Variants in USH2A observed in about 807,000 individuals in gnomAD.
USH2A encodes the protein Usher syndrome 2A (autosomal recessive, mild).
In USH2A, 443 loss-of-function variants were observed where a neutral mutation model predicts 538.9. The observed-to-expected ratio is 0.82, with a 90% CI of 0.76 to 0.89. The LOEUF is 0.89. USH2A is among the 40% of genes least tolerant of loss of function. The pLI is 0.00. For synonymous variants in USH2A, 2,413 were observed against 2,273.5 expected (o/e 1.06, Z -1.75); for missense variants, 6,633 against 6,324.8 (o/e 1.05, Z -1.65).
intron 32 of USH2A, among the ~76,000 whole-genome samples, chr1:216,020,984 G>C (rs779281867): frequency 9.9e-5 from 15 of 152,044 alleles, no homozygotes; most frequent in Admixed American, 2.6e-4. Context: ...TGGCTAAAGT[G>C]GGGACTCAAT....
At chr1:216,318,116 A>G (rs2037542098) in intron 9 of USH2A, among the ~76,000 whole-genome samples, 2 of 152,190 alleles carry the variant, frequency 1.3e-5, no homozygotes, top group Admixed American at 6.6e-5. Flanking sequence ...ACTTTCTCAT[A>G]GGAAAGACAA....
chr1:215,885,147 T>G (rs1310134571), intron 41 of USH2A, among the ~76,000 whole-genome samples: 1 of 152,160 alleles, frequency 6.6e-6, no homozygotes, highest in African/African-American at 2.4e-5. Flanking sequence ...TTAAGTACCT[T>G]CTTCCTAATC....
chr1:216,251,126 T>G (rs2036153684), intron 11 of USH2A, 28 bp from the exon 12 acceptor site: 1 of 1,610,742 alleles, frequency 6.2e-7, no homozygotes, highest in Admixed American at 1.7e-5. Flanking sequence ...TTTTGTAGAA[T>G]GATGAACGTA....
chr1:215,756,731 C>A (rs1660806369), intron 58 of USH2A, among the ~76,000 whole-genome samples: 1 of 152,016 alleles, frequency 6.6e-6, no homozygotes. Context: ...CGAGACGAGC[C>A]TGGCCAGCAT....
intron 50 of USH2A, among the ~76,000 whole-genome samples, chr1:215,796,629 C>G (rs934770747): frequency 1.3e-5 from 2 of 152,168 alleles, no homozygotes; most frequent in African/African-American, 4.8e-5. Context: ...CTCTGAGGCA[C>G]AGCAATATTA....
At chr1:216,410,315 C>T (rs966035959) in intron 3 of USH2A, among the ~76,000 whole-genome samples, 6 of 151,976 alleles carry the variant, frequency 3.9e-5, no homozygotes, top group Non-Finnish European at 8.8e-5. Context: ...CCAAAAAAAA[C>T]AGAACTACCA....
intron 37 of USH2A, among the ~76,000 whole-genome samples, chr1:215,963,347 T>C (rs1027141174): frequency 1.3e-5 from 2 of 152,198 alleles, no homozygotes; most frequent in African/African-American, 4.8e-5. Context: ...AGAGTTCCAG[T>C]GCCAGTGAAC....
In USH2A at chr1:215,623,189, T is replaced by C. The variant is rs192530208; in HGVS notation, c.*2592A>G. The C allele has an allele frequency of 5.5e-4, 83 of 152,110 alleles. No individual in the cohort carries two copies. Among genetic ancestry groups the C allele is most frequent in the Admixed American group, 4.6e-3 (71 of 15,276 alleles). 9.4% of individuals were successfully genotyped at this position (152,110 alleles called of 1,614,324 possible). On this transcript the variant is annotated 3_prime_UTR_variant, in exon 72 of 72. Coordinates refer to ENST00000307340, the MANE Select transcript of USH2A (RefSeq NM_206933.4). ...CTGTACTCTTACCAAACAGTTGATA[T>C]TAAGAATAACAAAACATGGTAGTTC...
intron 9 of USH2A, among the ~76,000 whole-genome samples, chr1:216,313,150 G>A (rs1173629711): frequency 6.6e-6 from 1 of 152,104 alleles, no homozygotes; most frequent in African/African-American, 2.4e-5. Flanking sequence ...TCCCTCACAT[G>A]TACAGTTCAC....
At chr1:215,866,185 G>A (rs1664462454) in intron 44 of USH2A, among the ~76,000 whole-genome samples, 1 of 152,250 alleles carries the variant, frequency 6.6e-6, no homozygotes, top group Non-Finnish European at 1.5e-5. Flanking sequence ...CTATAAGACT[G>A]ATTTTAATAC....
intron 3 of USH2A, among the ~76,000 whole-genome samples, chr1:216,392,709 C>G (rs1005417543): frequency 6.6e-6 from 1 of 151,766 alleles, no homozygotes; most frequent in Non-Finnish European, 1.5e-5. Context: ...TAAAGATGTA[C>G]TATGGTTAAT....
intron 32 of USH2A, among the ~76,000 whole-genome samples, chr1:216,011,848 A>G (rs1187862898): frequency 2.0e-5 from 3 of 151,884 alleles, no homozygotes; most frequent in African/African-American, 7.3e-5. Context: ...ACTTCAATCC[A>G]GCCTCCCACA....
At chr1:216,370,350 GACT>G (rs1273522860) in intron 3 of USH2A, among the ~76,000 whole-genome samples, 3 of 150,210 alleles carry the variant, frequency 2.0e-5, no homozygotes, top group African/African-American at 7.3e-5. Context: ...GACAGAGTGA[GACT>G]CTATCCAAAA....
intron 22 of USH2A, among the ~76,000 whole-genome samples, chr1:216,094,786 G>A (rs1169579802): frequency 1.3e-5 from 2 of 151,960 alleles, no homozygotes; most frequent in African/African-American, 4.8e-5. Flanking sequence ...ATGGTCTTTG[G>A]AGCTCAATTG....
intron 32 of USH2A, among the ~76,000 whole-genome samples, chr1:216,035,068 A>T (rs1669217142): frequency 6.6e-6 from 1 of 152,158 alleles, no homozygotes; most frequent in Non-Finnish European, 1.5e-5. Context: ...TCCATCTTAA[A>T]ACTGATTGTG....
At chr1:216,278,085 T>A (rs1041333280) in intron 11 of USH2A, among the ~76,000 whole-genome samples, 1 of 152,172 alleles carries the variant, frequency 6.6e-6, no homozygotes, top group African/African-American at 2.4e-5. Context: ...ACTAGTTAAA[T>A]CAGTTCTTCC....
intron 38 of USH2A, among the ~76,000 whole-genome samples, chr1:215,914,279 C>A (rs1029915918): frequency 6.6e-6 from 1 of 151,810 alleles, no homozygotes; most frequent in Non-Finnish European, 1.5e-5. Flanking sequence ...AGTTACCAAT[C>A]AATACATTTT....
chr1:216,002,836 A>G (rs370111410), intron 32 of USH2A, among the ~76,000 whole-genome samples: 1 of 152,174 alleles, frequency 6.6e-6, no homozygotes, highest in East Asian at 1.9e-4. Context: ...ACAGACTTGC[A>G]TATCTGGAAC....
chr1:216,171,909 A>G (rs941744521), intron 21 of USH2A, among the ~76,000 whole-genome samples: 1 of 152,124 alleles, frequency 6.6e-6, no homozygotes, highest in East Asian at 1.9e-4. Context: ...ACTATGATGT[A>G]AATGACTGAT....
Sources: gnomAD v4.1 joint callset for allele counts (sites outside exome capture counted in the v4.1 genomes callset) on GRCh38, gnomAD v4.1.1 for gene constraint, MANE v1.5 for transcripts, NCBI Gene and HGNC (gene_info 2026-07-23, HGNC 2026-07-21) for gene names.